ARHGAP21: variants seen among roughly 807,000 people sequenced by gnomAD.
The protein encoded by ARHGAP21 is Rho GTPase activating protein 21.
A neutral mutation model predicts 164.6 loss-of-function variants in ARHGAP21; 38 were observed. The ratio of observed to expected loss-of-function variants is 0.23; its 90% CI spans 0.18 to 0.30. The LOEUF is 0.30. Ranked by LOEUF, ARHGAP21 falls within the 10% of genes least tolerant of loss-of-function variation. The pLI, the probability that ARHGAP21 is intolerant of heterozygous loss-of-function variation, is 1.00. For missense variants in ARHGAP21, 1,822 were observed against 2,370.7 expected (o/e 0.77, Z 4.81); for synonymous variants, 766 against 857.9 (o/e 0.89, Z 1.87).
chr10:24,649,829 T>C (rs1199025970), intron 4 of ARHGAP21, among the ~76,000 whole-genome samples: 7 of 151,734 alleles, frequency 4.6e-5, no homozygotes, highest in African/African-American at 1.2e-4. Flanking sequence ...GCACAGATTA[T>C]AAAAAAATTC....
rs1834479598 is a variant in ARHGAP21 at position 24,620,932 on chromosome 10, T to C, written c.963A>G (p.Pro321=). The change falls in exon 9 of 26, where the codon CCA becomes CCG. Residue 321 remains proline, a synonymous_variant. Coordinates refer to ENST00000396432, the MANE Select transcript of ARHGAP21 (RefSeq NM_020824.4). The stretch of plus-strand genomic sequence containing the variant: ...TTAGATGAGTGGTGGGAATTGATAA[T>C]GGTGGTGATGTGGTTCTTGACACTG... ...LKTVSRTTSP[P]LSIPTTHLIH... 1.9e-6 allele frequency: 3 copies of C among 1,613,944 alleles called. No individual in the cohort carries two copies. Among genetic ancestry groups the C allele is most frequent in the Non-Finnish European group, 2.5e-6 (3 of 1,179,868 alleles).
At chr10:24,597,306 G>C in intron 16 of ARHGAP21, 141 bp downstream of exon 16, 1 of 1,128,728 alleles carries the variant, frequency 8.9e-7, no homozygotes, top group Non-Finnish European at 1.2e-6. Flanking sequence ...GGCCCAATGA[G>C]CCCAGACCAA....
At chr10:24,668,995 C>G (rs963448667) in intron 3 of ARHGAP21, among the ~76,000 whole-genome samples, 1 of 152,110 alleles carries the variant, frequency 6.6e-6, no homozygotes, top group Non-Finnish European at 1.5e-5. Context: ...GCGTAAGTAA[C>G]ACTATTTGAG....
intron 24 of ARHGAP21, chr10:24,590,940 T>C: frequency 1.1e-5 from 8 of 739,308 alleles, no homozygotes; most frequent in Non-Finnish European, 1.3e-5. Flanking sequence ...AACTGTGAAT[T>C]AAAAAAAAAA....
chr10:24,587,832 C>T (rs1025160739), intron 25 of ARHGAP21, among the ~76,000 whole-genome samples: 10 of 148,450 alleles, frequency 6.7e-5, no homozygotes, highest in African/African-American at 2.6e-4. Flanking sequence ...GCAAATTACT[C>T]TACTTTTCTA....
intron 2 of ARHGAP21, among the ~76,000 whole-genome samples, chr10:24,689,777 T>C (rs925443737): frequency 1.2e-4 from 18 of 151,160 alleles, no homozygotes; most frequent in African/African-American, 4.1e-4. Context: ...TGTATATATG[T>C]GTGTGTATAT....
At chr10:24,673,492 G>A (rs1047701317) in intron 2 of ARHGAP21, among the ~76,000 whole-genome samples, 6 of 152,186 alleles carry the variant, frequency 3.9e-5, no homozygotes, top group Non-Finnish European at 1.5e-5. Flanking sequence ...TGGAACAACT[G>A]TGTGGAGGCT....
intron 2 of ARHGAP21, among the ~76,000 whole-genome samples, chr10:24,688,961 T>C (rs1262362847): frequency 6.6e-6 from 1 of 152,178 alleles, no homozygotes; most frequent in East Asian, 1.9e-4. Context: ...ATACAAATAT[T>C]GAATACTGTA....
At chr10:24,670,698 G>A (rs1015601580) in intron 2 of ARHGAP21, among the ~76,000 whole-genome samples, 2 of 152,052 alleles carry the variant, frequency 1.3e-5, no homozygotes, top group Non-Finnish European at 2.9e-5. Context: ...TAGAAGGAAT[G>A]AAAGATAATA....
At chr10:24,647,740 T>C (rs1275016888) in intron 4 of ARHGAP21, among the ~76,000 whole-genome samples, 1 of 152,190 alleles carries the variant, frequency 6.6e-6, no homozygotes, top group African/African-American at 2.4e-5. Context: ...ACAATTTCTA[T>C]CCTTAATGAT....
chr10:24,654,523 T>C (rs180764365), intron 4 of ARHGAP21, among the ~76,000 whole-genome samples: 9 of 152,204 alleles, frequency 5.9e-5, no homozygotes, highest in African/African-American at 1.7e-4. Context: ...TTCACAATTG[T>C]TTCAAAGAGA....
At chr10:24,722,736 G>T (rs974910150) in intron 1 of ARHGAP21, 1 of 151,950 alleles carries the variant, frequency 6.6e-6, no homozygotes, top group Non-Finnish European at 1.5e-5. Context: ...TGGGCTCGGC[G>T]GCGTCTCCGG....
At chr10:24,677,206 C>T (rs897455489) in intron 2 of ARHGAP21, among the ~76,000 whole-genome samples, 3 of 152,148 alleles carry the variant, frequency 2.0e-5, no homozygotes, top group Non-Finnish European at 4.4e-5. Flanking sequence ...AGCGACAGAG[C>T]GAGACTCCGA....
At chr10:24,586,530 T>C (rs893577354) in intron 25 of ARHGAP21, among the ~76,000 whole-genome samples, 1 of 152,162 alleles carries the variant, frequency 6.6e-6, no homozygotes, top group African/African-American at 2.4e-5. Flanking sequence ...ATATAGGTTA[T>C]TAAACATCAC....
intron 21 of ARHGAP21, among the ~76,000 whole-genome samples, chr10:24,592,719 G>C (rs1012119544): frequency 6.7e-5 from 10 of 149,730 alleles, no homozygotes; most frequent in African/African-American, 2.5e-4. Context: ...CTGGGCGACA[G>C]AGTAAGATCC....
At chr10:24,616,173 A>G (rs1593037169) in intron 9 of ARHGAP21, among the ~76,000 whole-genome samples, 2 of 152,242 alleles carry the variant, frequency 1.3e-5, no homozygotes, top group East Asian at 1.9e-4. Flanking sequence ...ATTTTTGGGA[A>G]AAGCCAATAT....
intron 25 of ARHGAP21, among the ~76,000 whole-genome samples, chr10:24,587,342 C>T (rs1267739119): frequency 2.0e-5 from 3 of 151,878 alleles, no homozygotes; most frequent in African/African-American, 7.3e-5. Context: ...TGGTTTACCA[C>T]ACACTTTTTA....
At chr10:24,606,494 A>G (rs1228959784) in intron 11 of ARHGAP21, among the ~76,000 whole-genome samples, 3 of 152,252 alleles carry the variant, frequency 2.0e-5, no homozygotes, top group Admixed American at 6.5e-5. Flanking sequence ...TATGTATCAA[A>G]CAATACACTG....
At chr10:24,603,585 C>T (rs113145170) in intron 12 of ARHGAP21, among the ~76,000 whole-genome samples, 16 of 151,936 alleles carry the variant, frequency 1.1e-4, no homozygotes, top group African/African-American at 3.4e-4. Flanking sequence ...AGAAGGGCAC[C>T]GAGGAAGTGA....
Sources: allele counts gnomAD v4.1 joint callset (sites outside exome capture counted in the v4.1 genomes callset), GRCh38; gene constraint gnomAD v4.1.1; transcripts MANE v1.5; gene names NCBI Gene and HGNC (gene_info 2026-07-23, HGNC 2026-07-21).